PTPN3: variants seen among roughly 807,000 people sequenced by gnomAD.
The protein encoded by PTPN3 is tyrosine-protein phosphatase non-receptor type 3.
A neutral mutation model predicts 132.7 loss-of-function variants in PTPN3; 96 were observed. The observed-to-expected ratio is 0.72, with a 90% CI of 0.61 to 0.86. The LOEUF is 0.86. Among genes scored for constraint, PTPN3 ranks in the 40% least tolerant of loss-of-function variants. The pLI is 0.00. For synonymous variants in PTPN3, 398 were observed against 429.0 expected (o/e 0.93, Z 0.89); for missense variants, 1,125 against 1,159.6 (o/e 0.97, Z 0.43).
chr9:109,527,998 C>T, the PTPN3 span, among the ~76,000 whole-genome samples: 1 of 152,050 alleles, frequency 6.6e-6, no homozygotes. Context: ...AATTAATAAG[C>T]AAATGAAAAA....
upstream of PTPN3, among the ~76,000 whole-genome samples, chr9:109,499,151 A>G (rs202075172): frequency 6.7e-5 from 9 of 133,918 alleles, no homozygotes; most frequent in African/African-American, 1.4e-4. Flanking sequence ...GACAGGTAAC[A>G]GATAAACAGC....
chr9:109,446,374 T>C (rs950862573), intron 6 of PTPN3, among the ~76,000 whole-genome samples: 2 of 152,180 alleles, frequency 1.3e-5, no homozygotes, highest in African/African-American at 2.4e-5. Context: ...CACTGTGTGC[T>C]GGTTCTGCAG....
intron 24 of PTPN3, 90 bp from the exon 25 acceptor site, chr9:109,381,877 G>T: frequency 2.0e-6 from 3 of 1,505,758 alleles, no homozygotes; most frequent in Non-Finnish European, 2.8e-6. Flanking sequence ...CTCCAAAGGG[G>T]CTTTCCTCCC....
At chr9:109,399,763 G>A (rs1165141353) in intron 19 of PTPN3, among the ~76,000 whole-genome samples, 1 of 151,934 alleles carries the variant, frequency 6.6e-6, no homozygotes, top group Non-Finnish European at 1.5e-5. Context: ...TGGAGTGGGT[G>A]GTGTGGACAC....
the PTPN3 span, among the ~76,000 whole-genome samples, chr9:109,536,750 G>A: frequency 2.0e-5 from 3 of 152,166 alleles, no homozygotes; most frequent in Non-Finnish European, 4.4e-5. Flanking sequence ...AAAGGGAAAG[G>A]AAGAAGATAT....
chr9:109,499,570 ACTGT>A, upstream of PTPN3, among the ~76,000 whole-genome samples: 1 of 151,946 alleles, frequency 6.6e-6, no homozygotes, highest in South Asian at 2.1e-4. Flanking sequence ...CCCCTGCAAC[ACTGT>A]CTGGCACACA....
At chr9:109,431,610 C>T (rs1843668636) in intron 10 of PTPN3, among the ~76,000 whole-genome samples, 1 of 152,244 alleles carries the variant, frequency 6.6e-6, no homozygotes, top group African/African-American at 2.4e-5. Context: ...ATCTGTTACA[C>T]TGATTTCAGT....
At chr9:109,393,921 T>C (rs1007241985) in intron 19 of PTPN3, among the ~76,000 whole-genome samples, 5 of 152,202 alleles carry the variant, frequency 3.3e-5, no homozygotes, top group Admixed American at 2.6e-4. Context: ...ATAATAATGG[T>C]GCTGTATCTT....
chr9:109,396,234 C>G (rs1160490560), intron 19 of PTPN3, among the ~76,000 whole-genome samples: 1 of 152,126 alleles, frequency 6.6e-6, no homozygotes, highest in Non-Finnish European at 1.5e-5. Context: ...TGAAACACTG[C>G]TCTGAGAAGG....
the PTPN3 span, among the ~76,000 whole-genome samples, chr9:109,532,045 C>T: frequency 7.5e-3 from 1,145 of 152,300 alleles, 10 homozygotes; most frequent in African/African-American, 0.026. Context: ...TGTTAATTTT[C>T]ACTTTCCAAA....
At chr9:109,448,520 A>T (rs1845014213) in intron 6 of PTPN3, among the ~76,000 whole-genome samples, 2 of 152,180 alleles carry the variant, frequency 1.3e-5, no homozygotes, top group African/African-American at 4.8e-5. Flanking sequence ...CCCATTGTAC[A>T]TTCTGGGTCC....
At position 109,457,361 on chromosome 9, in the gene PTPN3, G is replaced by A; in HGVS notation, c.177C>T (p.His59=). Residue 59 remains histidine (H), a synonymous_variant, in exon 3 of 26, where the codon CAC becomes CAT. Coordinates refer to ENST00000374541, the MANE Select transcript of PTPN3 (RefSeq NM_002829.4). ...CCTTTTCAGTCACACCCAGGTGGTT[G>A]TGCACCATATCCAGAAGAACCTGGC... The part of the protein sequence containing the change: ...DTGQVLLDMV[H]NHLGVTEKEY... 6.2e-7 allele frequency: 1 copy of A among 1,614,184 alleles called. No homozygotes were observed. Among genetic ancestry groups the A allele is most frequent in the Non-Finnish European group, 8.5e-7 (1 of 1,180,032 alleles).
Position 109,384,446 on chromosome 9 carries a change from C to T in PTPN3, c.2254-895G>A, listed in dbSNP as rs180819968. Among the ~76,000 whole-genome samples, 60 of 152,320 alleles carry T rather than the reference C, an allele frequency of 3.9e-4. No homozygotes were observed. In the East Asian group the frequency reaches 0.012, roughly 29 times the overall value. On this transcript the variant is annotated intron_variant, in intron 22 of 25. Transcript: ENST00000374541. ...CCAAGGCCATGAGGTCACAGTGATG[C>T]AGTCCAGCACTCTTCCTATGGCACC...
intron 2 of PTPN3, 30 bp from the exon 3 acceptor site, chr9:109,457,429 A>C: frequency 6.4e-7 from 1 of 1,565,090 alleles, no homozygotes; most frequent in Non-Finnish European, 8.7e-7. Flanking sequence ...CAAGTGGGAA[A>C]AGTCTTAAAT....
intron 7 of PTPN3, among the ~76,000 whole-genome samples, chr9:109,441,710 A>G (rs1444249220): frequency 6.6e-6 from 1 of 151,948 alleles, no homozygotes; most frequent in East Asian, 1.9e-4. Context: ...ACAATTTTCC[A>G]TCATTGTATA....
At chr9:109,502,817 A>AT (rs1234256217), upstream of PTPN3, among the ~76,000 whole-genome samples, 1 of 152,198 alleles carries the variant, frequency 6.6e-6, no homozygotes, top group Non-Finnish European at 1.5e-5. Context: ...TGAAATTGCC[A>AT]TTTTATGGGT....
chr9:109,500,842 TC>T (rs755942939), upstream of PTPN3, among the ~76,000 whole-genome samples: 2 of 151,270 alleles, frequency 1.3e-5, no homozygotes, highest in Non-Finnish European at 2.9e-5. Context: ...TGGGAGGATC[TC>T]TTGAGCCAGG....
At chr9:109,414,509 G>A (rs1461118032) in intron 14 of PTPN3, among the ~76,000 whole-genome samples, 1 of 152,224 alleles carries the variant, frequency 6.6e-6, no homozygotes, top group African/African-American at 2.4e-5. Flanking sequence ...GGGTCCTTGA[G>A]TAACAGAAAG....
chr9:109,410,289 G>A lies in PTPN3; in HGVS notation c.1440C>T (p.Asp480=). 2 of 1,614,182 alleles carry A rather than the reference G, an allele frequency of 1.2e-6. No homozygotes were observed. The highest frequency in any genetic ancestry group is 1.7e-6 in the Non-Finnish European group (2 of 1,180,036). The change falls in exon 15 of 26, where the codon GAC becomes GAT. Residue 480 remains aspartate (D), a synonymous_variant. Transcript: ENST00000374541. ...PDGVDQQLLD[D]FHRVTKGGST... ...AGCCCCCTTTGGTCACCCTGTGGAA[G>A]TCATCTAAGAGCTGCTGATCAACGC...
Sources: allele counts gnomAD v4.1 joint callset (sites outside exome capture counted in the v4.1 genomes callset), GRCh38; gene constraint gnomAD v4.1.1; transcripts MANE v1.5; gene names NCBI Gene and HGNC (gene_info 2026-07-23, HGNC 2026-07-21).